The following SGSM3 variants were observed in gnomAD, a reference collection of about 807,000 sequenced individuals.
SGSM3 encodes the protein RUN and SH3 containing 3.
A neutral mutation model predicts 100.5 loss-of-function variants in SGSM3; 96 were observed. That is an observed-to-expected ratio of 0.96 (90% CI 0.81 to 1.13). The LOEUF is 1.13. Among genes scored for constraint, SGSM3 ranks in the 50% most tolerant of loss-of-function variants. SGSM3 has a pLI of 0.00. For synonymous variants in SGSM3, 483 were observed against 422.8 expected (o/e 1.14, Z -1.75); for missense variants, 1,001 against 1,015.8 (o/e 0.99, Z 0.20).
At chr22:40,376,235 C>T (rs2046567847) in intron 1 of SGSM3, 1 of 114,298 alleles carries the variant, frequency 8.7e-6, no homozygotes, top group Non-Finnish European at 1.7e-5. Flanking sequence ...GTACGGTAGT[C>T]GGAGCACCAA....
At chr22:40,376,639 C>CCTAT (rs2146758303) in intron 1 of SGSM3, 1 of 152,158 alleles carries the variant, frequency 6.6e-6, no homozygotes, top group Non-Finnish European at 1.5e-5. Context: ...TCACATCAAC[C>CCTAT]CTATGTATTG....
chr22:40,390,800 A>C (rs1336477730), intron 1 of SGSM3, among the ~76,000 whole-genome samples: 1 of 152,214 alleles, frequency 6.6e-6, no homozygotes, highest in Non-Finnish European at 1.5e-5. Flanking sequence ...GCCTTGAAGA[A>C]TAAGTCAGGT....
intron 8 of SGSM3, 34 bp from the exon 9 acceptor site, chr22:40,406,044 T>A (rs1279489718): frequency 6.2e-7 from 1 of 1,603,048 alleles, no homozygotes; most frequent in East Asian, 2.2e-5. Flanking sequence ...TTCCACCACC[T>A]CCTCCCCAGC....
intron 1 of SGSM3, among the ~76,000 whole-genome samples, chr22:40,397,616 C>T (rs112271680): frequency 8.5e-5 from 13 of 152,282 alleles, no homozygotes; most frequent in Non-Finnish European, 1.0e-4. Flanking sequence ...TGTGAGGCCT[C>T]GTAGTCCCCT....
chr22:40,375,795 T>A lies in SGSM3; in HGVS notation c.-112+5107T>A, dbSNP rs187583676. Among the ~76,000 whole-genome samples, 11 of 152,088 alleles carry A rather than the reference T, an allele frequency of 7.2e-5. No individual in the cohort carries two copies. The East Asian group carries it at 2.1e-3, about 29-fold the overall frequency. On this transcript the variant is annotated intron_variant, in intron 1 of 21. Transcript: ENST00000248929. ...GCTTATGTCTGTAATCCCAGCACTT[T>A]GGGAGGCTGAGGTGGAAGGATCACT...
Position 40,404,349 on chromosome 22 carries a change from A to G in SGSM3, c.260A>G (p.His87Arg). 1.2e-6 allele frequency: 2 copies of G among 1,603,196 alleles called. No homozygotes were observed. Among genetic ancestry groups the G allele is most frequent in the Non-Finnish European group, 8.5e-7 (1 of 1,173,842 alleles). Residue 87 changes from histidine to arginine, a missense_variant, in exon 5 of 22, where the codon CAC becomes CGC. By Grantham distance (29) the His-to-Arg change is conservative (BLOSUM62 0). Coordinates refer to ENST00000248929, the MANE Select transcript of SGSM3 (RefSeq NM_015705.6). ...WQAHLEFTHNHDVGDLTWDKI... is the reference protein window; with the variant it reads ...WQAHLEFTHNRDVGDLTWDKI... ...GCCCACCTGGAGTTCACCCATAACC[A>G]CGATGTGGGGGATCTCACCTGGGAC...
chr22:40,407,047 T>A lies in SGSM3; in HGVS notation c.1216T>A (p.Ser406Thr). The change falls in exon 11 of 22, where the codon TCC (serine) becomes ACC (threonine). Residue 406 changes from serine (S) to threonine (T), a missense_variant. Coordinates refer to ENST00000248929, the MANE Select transcript of SGSM3 (RefSeq NM_015705.6). The surrounding 1 kb of genome is among the most constrained non-coding windows in gnomAD (Gnocchi z 4.7). ...TCGCCGCAGGACCCAGCGGAGGAAG[T>A]CCACCATCACTGCTCTGCTCTTCGG... ...VVRRRTQRRK[S>T]TITALLFGED... The A allele has an allele frequency of 6.3e-7, 1 of 1,589,004 alleles. No homozygotes were observed.
At chr22:40,371,174 C>T (rs1413173257) in intron 1 of SGSM3, among the ~76,000 whole-genome samples, 1 of 152,208 alleles carries the variant, frequency 6.6e-6, no homozygotes, top group Non-Finnish European at 1.5e-5. Context: ...CTCGGAACAC[C>T]GGTGTGTTTG....
chr22:40,409,190 T>C, intron 19 of SGSM3, 60 bp from the exon 20 acceptor site: 1 of 1,556,146 alleles, frequency 6.4e-7, no homozygotes, highest in Non-Finnish European at 8.7e-7. Flanking sequence ...GCTTCCACCG[T>C]GGCTGCAGCC....
chr22:40,406,444 G>T lies in SGSM3; in HGVS notation c.967G>T (p.Glu323Ter), dbSNP rs745916065. The T allele has an allele frequency of 3.8e-6, 6 of 1,581,462 alleles. No homozygotes were observed. Among genetic ancestry groups the T allele is most frequent in the South Asian group, 1.2e-5 (1 of 86,342 alleles). Reference protein sequence around the residue: ...TLGMLHLKEEELIQSENSASI... With the variant: ...TLGMLHLKEE The stretch of plus-strand genomic sequence containing the variant: ...CTGCCCTGGCATGGCCCAGGAGGAA[G>T]AGCTGATCCAGTCAGAGAACTCGGC... The change falls in exon 10 of 22, where the codon GAG (glutamate) becomes TAG (stop). Residue 323 changes from glutamate (E) to a stop codon, truncating the protein, a stop_gained. Transcript: ENST00000248929. LOFTEE classifies it high-confidence loss of function.
chr22:40,398,789 A>C (rs530681919), intron 1 of SGSM3, among the ~76,000 whole-genome samples: 1 of 141,394 alleles, frequency 7.1e-6, no homozygotes, highest in African/African-American at 2.6e-5. Flanking sequence ...TATATGTGTC[A>C]GGCAGTGTGC....
chr22:40,409,341 C>T lies in SGSM3; in HGVS notation c.2080C>T (p.Pro694Ser). The part of the protein sequence containing the change: ...WYQPWSFLRS[P>S]GWVQIKCELR... The stretch of plus-strand genomic sequence containing the variant: ...CCAGCCCTGGTCCTTCCTGCGCAGC[C>T]CGGGCTGGGTCCAGATCAAGTGTGA... The change falls in exon 20 of 22, where the codon CCG becomes TCG. Residue 694 changes from proline to serine, a missense_variant. Pro to Ser is a moderately conservative substitution (Grantham distance 74). Transcript: ENST00000248929. The T allele has an allele frequency of 6.2e-7, 1 of 1,611,860 alleles. No homozygotes were observed. Among genetic ancestry groups the T allele is most frequent in the South Asian group, 1.1e-5 (1 of 90,894 alleles).
chr22:40,386,829 G>A (rs1161441183), intron 1 of SGSM3, among the ~76,000 whole-genome samples: 1 of 152,022 alleles, frequency 6.6e-6, no homozygotes, highest in African/African-American at 2.4e-5. Flanking sequence ...CAGTACTAAA[G>A]AAGTTAATGG....
intron 1 of SGSM3, among the ~76,000 whole-genome samples, chr22:40,398,158 G>T (rs1222043174): frequency 6.6e-6 from 1 of 151,848 alleles, no homozygotes; most frequent in Non-Finnish European, 1.5e-5. Context: ...AGTAGGACAG[G>T]GTTTCACCAT....
chr22:40,397,834 T>C (rs2146934908), intron 1 of SGSM3, among the ~76,000 whole-genome samples: 1 of 152,324 alleles, frequency 6.6e-6, no homozygotes, highest in East Asian at 1.9e-4. Flanking sequence ...CCCTAACCCA[T>C]ATTCTAAAGA....
intron 1 of SGSM3, among the ~76,000 whole-genome samples, chr22:40,386,024 T>TG (rs1288988617): frequency 1.4e-5 from 2 of 141,172 alleles, no homozygotes; most frequent in Non-Finnish European, 3.1e-5. Context: ...GCTAATTTTT[T>TG]GTTTTTTTTT....
rs1471419563 is a variant in SGSM3, at chr22:40,406,997, A to C, written c.1186-20A>C. 6.4e-7 allele frequency: 1 copy of C among 1,560,292 alleles called. No individual in the cohort carries two copies. Among genetic ancestry groups the C allele is most frequent in the Non-Finnish European group, 8.7e-7 (1 of 1,151,914 alleles). On this transcript the variant is annotated intron_variant, in intron 10 of 21. Transcript: ENST00000248929. ...TCCTCCCGGGGCCAGGACCACCCTG[A>C]CCCACTCCTCTTGGTGCAGGTTGTT...
At chr22:40,402,440 G>A (rs1314487115) in intron 4 of SGSM3, among the ~76,000 whole-genome samples, 1 of 152,150 alleles carries the variant, frequency 6.6e-6, no homozygotes, top group Non-Finnish European at 1.5e-5. Flanking sequence ...GTTCACTGTA[G>A]AGAAGTTGAA....
chr22:40,372,843 A>G (rs1057042961), intron 1 of SGSM3: 2 of 152,192 alleles, frequency 1.3e-5, no homozygotes, highest in Non-Finnish European at 2.9e-5. Flanking sequence ...AATCTTGTAC[A>G]TTTGATAATT....
Sources: allele counts gnomAD v4.1 joint callset (sites outside exome capture counted in the v4.1 genomes callset), GRCh38; gene constraint gnomAD v4.1.1; non-coding constraint Gnocchi (gnomAD v3.1); transcripts MANE v1.5; gene names NCBI Gene and HGNC (gene_info 2026-07-23, HGNC 2026-07-21).